The following POU2AF2 variants were observed in gnomAD, a reference collection of about 807,000 sequenced individuals.
POU2AF2 encodes POU domain class 2-associating factor 2.
the POU2AF2 span, among the ~76,000 whole-genome samples, chr11:111,280,402 T>A: frequency 6.6e-6 from 1 of 152,158 alleles, no homozygotes; most frequent in Non-Finnish European, 1.5e-5. Context: ...AGGTTTCAGC[T>A]ACTCATGGTT....
chr11:111,253,853 G>A, the POU2AF2 span, among the ~76,000 whole-genome samples: 7 of 151,870 alleles, frequency 4.6e-5, no homozygotes, highest in Non-Finnish European at 8.8e-5. Flanking sequence ...GACTTTGCCC[G>A]TGCTGTCTTC....
the POU2AF2 span, among the ~76,000 whole-genome samples, chr11:111,250,347 A>G: frequency 6.6e-6 from 1 of 152,354 alleles, no homozygotes; most frequent in Admixed American, 6.5e-5. Flanking sequence ...TCCAAAAAAT[A>G]TAAGAGTCAT....
At chr11:111,267,928 T>C in the POU2AF2 span, among the ~76,000 whole-genome samples, 1 of 152,246 alleles carries the variant, frequency 6.6e-6, no homozygotes, top group Non-Finnish European at 1.5e-5. Context: ...AAGCCAATTA[T>C]TAGTATTCCA....
the POU2AF2 span, among the ~76,000 whole-genome samples, chr11:111,255,070 A>C: frequency 6.6e-6 from 1 of 152,160 alleles, no homozygotes; most frequent in East Asian, 1.9e-4. Flanking sequence ...GGTTCTCACT[A>C]TCCCTAGAAG....
chr11:111,266,301 G>A, the POU2AF2 span, among the ~76,000 whole-genome samples: 1 of 152,142 alleles, frequency 6.6e-6, no homozygotes, highest in Admixed American at 6.5e-5. Flanking sequence ...GCTGGGTGCA[G>A]CTGTTTCTCC....
the POU2AF2 span, among the ~76,000 whole-genome samples, chr11:111,282,463 G>A: frequency 6.6e-6 from 1 of 152,214 alleles, no homozygotes; most frequent in Non-Finnish European, 1.5e-5. Context: ...GAGTGGAGTC[G>A]TGCCACAGGT....
At chr11:111,284,109 G>A in the POU2AF2 span, 4 of 1,614,060 alleles carry the variant, frequency 2.5e-6, no homozygotes, top group Non-Finnish European at 3.4e-6. Context: ...TACGGTGTCA[G>A]AAGATCTTTC....
chr11:111,262,744 T>C, the POU2AF2 span, among the ~76,000 whole-genome samples: 1 of 152,128 alleles, frequency 6.6e-6, no homozygotes, highest in Admixed American at 6.5e-5. Flanking sequence ...AAGCAGAGAG[T>C]TGGGCCATGC....
chr11:111,255,509 A>G, the POU2AF2 span, among the ~76,000 whole-genome samples: 1 of 152,216 alleles, frequency 6.6e-6, no homozygotes, highest in Non-Finnish European at 1.5e-5. Context: ...CTTTCTTCTT[A>G]GGAACGTAAT....
the POU2AF2 span, among the ~76,000 whole-genome samples, chr11:111,266,084 C>T: frequency 0.25 from 37,932 of 151,704 alleles, 5,286 homozygotes; most frequent in South Asian, 0.46. Context: ...TTATCCATCA[C>T]GAACTGCCAA....
At chr11:111,285,994 T>C in the POU2AF2 span, 32,571 of 1,613,838 alleles carry the variant, frequency 0.02, 443 homozygotes, top group Non-Finnish European at 0.024. Context: ...ACCCTTCCCC[T>C]TGGGTGAAAG....
chr11:111,259,985 C>T, the POU2AF2 span, among the ~76,000 whole-genome samples: 1 of 152,206 alleles, frequency 6.6e-6, no homozygotes. Flanking sequence ...GATGTTTCAT[C>T]CTCTTAACCA....
At chr11:111,276,453 A>AAAAAAAAATATAT in the POU2AF2 span, among the ~76,000 whole-genome samples, 14 of 37,650 alleles carry the variant, frequency 3.7e-4, no homozygotes, top group Non-Finnish European at 5.0e-4. Context: ...AAAAAAAAAA[A>AAAAAAAAATATAT]ATATATATAT....
chr11:111,260,382 C>T, the POU2AF2 span, among the ~76,000 whole-genome samples: 3 of 152,104 alleles, frequency 2.0e-5, no homozygotes, highest in Non-Finnish European at 2.9e-5. Flanking sequence ...TCCCTGGGAC[C>T]GGTGAGTTCT....
chr11:111,265,666 T>G, the POU2AF2 span, among the ~76,000 whole-genome samples: 1 of 152,134 alleles, frequency 6.6e-6, no homozygotes, highest in East Asian at 1.9e-4. Flanking sequence ...ATCTGGTACA[T>G]AGCGGTACTT....
the POU2AF2 span, among the ~76,000 whole-genome samples, chr11:111,272,373 T>C: frequency 2.0e-5 from 3 of 152,306 alleles, no homozygotes; most frequent in South Asian, 6.2e-4. Flanking sequence ...CTTGGACAAG[T>C]CCTTCAGAAG....
At chr11:111,264,552 GAA>G in the POU2AF2 span, among the ~76,000 whole-genome samples, 1,922 of 64,586 alleles carry the variant, frequency 0.03, 186 homozygotes, top group Middle Eastern at 0.042. Flanking sequence ...AAGAAAGAAA[GAA>G]AGAAAGAAAG....
At chr11:111,264,712 A>T in the POU2AF2 span, among the ~76,000 whole-genome samples, 2 of 149,776 alleles carry the variant, frequency 1.3e-5, no homozygotes, top group African/African-American at 4.9e-5. Context: ...AAGAAAGAAG[A>T]AGAAGAGAAA....
the POU2AF2 span, among the ~76,000 whole-genome samples, chr11:111,260,494 A>G: frequency 1.3e-5 from 2 of 152,212 alleles, no homozygotes; most frequent in East Asian, 3.9e-4. Flanking sequence ...TGTATCCACA[A>G]GTATCCTCCC....
Sources: allele counts gnomAD v4.1 joint callset (sites outside exome capture counted in the v4.1 genomes callset), GRCh38; gene constraint gnomAD v4.1.1; transcripts MANE v1.5; gene names NCBI Gene and HGNC (gene_info 2026-07-23, HGNC 2026-07-21).